Variants in MACF1 observed in about 807,000 individuals in gnomAD.
MACF1 encodes the protein microtubule-actin cross-linking factor 1.
MACF1 carries 193 observed loss-of-function variants against 854.8 expected under a neutral mutation model. The observed-to-expected ratio is 0.23, with a 90% CI of 0.20 to 0.25. The LOEUF (loss-of-function observed/expected upper bound fraction) is 0.25, where lower values mean the gene tolerates loss of function less well. Ranked by LOEUF, MACF1 falls within the 10% of genes least tolerant of loss-of-function variation. MACF1 has a pLI of 1.00. For synonymous variants in MACF1, 3,185 were observed against 3,226.7 expected (o/e 0.99, Z 0.44); for missense variants, 7,722 against 8,929.1 (o/e 0.86, Z 5.45).
chr1:39,109,449 T>A (rs760391007), intron 2 of MACF1, among the ~76,000 whole-genome samples: 87 of 150,892 alleles, frequency 5.8e-4, no homozygotes, highest in Non-Finnish European at 7.4e-4. Context: ...TTTTCTATAT[T>A]TTTTTTTAGT....
chr1:39,379,534 A>G, intron 54 of MACF1, 90 bp downstream of exon 54: 7 of 1,430,434 alleles, frequency 4.9e-6, no homozygotes, highest in Non-Finnish European at 6.6e-6. Context: ...TCTGAGAGAG[A>G]GACATGGGCA....
chr1:39,303,511 C>A (rs947017022), intron 23 of MACF1, among the ~76,000 whole-genome samples: 8 of 151,520 alleles, frequency 5.3e-5, no homozygotes, highest in African/African-American at 1.9e-4. Context: ...GATTGCGCCA[C>A]TGCACTCTAG....
At chr1:39,305,546 C>G (rs1466860670) in intron 23 of MACF1, among the ~76,000 whole-genome samples, 2 of 152,166 alleles carry the variant, frequency 1.3e-5, no homozygotes, top group Non-Finnish European at 2.9e-5. Context: ...ATTTAGCTTT[C>G]TATGCACACA....
chr1:39,418,208 A>G (rs540298904), intron 58 of MACF1, among the ~76,000 whole-genome samples: 5 of 152,222 alleles, frequency 3.3e-5, no homozygotes, highest in Admixed American at 6.5e-5. Context: ...AGTGGAGTGG[A>G]TAGTATAAAT....
Position 39,439,508 on chromosome 1 carries a change from G to A in MACF1, c.18447+8G>A. The A allele has an allele frequency of 6.2e-7, 1 of 1,609,126 alleles. No individual in the cohort carries two copies. Among genetic ancestry groups the A allele is most frequent in the Non-Finnish European group, 8.5e-7 (1 of 1,176,106 alleles). On this transcript the variant is annotated splice_region_variant and intron_variant, in intron 72 of 100. Transcript: ENST00000564288. ...CAGGTTGAAGCTGCTGAGGTAAGAAGGAAACAAAACCCTTTTTCTTAGGTG... is the reference window on the plus strand; with the variant it reads ...CAGGTTGAAGCTGCTGAGGTAAGAAAGAAACAAAACCCTTTTTCTTAGGTG...
At chr1:39,394,441 G>T (rs1201087910) in intron 58 of MACF1, among the ~76,000 whole-genome samples, 1 of 152,134 alleles carries the variant, frequency 6.6e-6, no homozygotes, top group Admixed American at 6.5e-5. Context: ...GGCCAAGATG[G>T]TGAAACCCTG....
Position 39,258,706 on chromosome 1 carries a change from C to T in MACF1, c.528+678C>T, listed in dbSNP as rs993821423. On this transcript the variant is annotated intron_variant, in intron 6 of 100. Coordinates refer to ENST00000564288, the MANE Select transcript of MACF1 (RefSeq NM_001394062.1). ...CCAAACAAAGCTATTTCTCAGACAG[C>T]TCTCTCTGATACACAGTTGCTGCAC... Among the ~76,000 whole-genome samples, 10 of 152,320 alleles carry T rather than the reference C, an allele frequency of 6.6e-5. No homozygotes were observed. In the East Asian group the frequency reaches 1.9e-3, roughly 29 times the overall value.
At chr1:39,132,046 C>T (rs1248533222) in intron 2 of MACF1, among the ~76,000 whole-genome samples, 1 of 152,156 alleles carries the variant, frequency 6.6e-6, no homozygotes, top group Non-Finnish European at 1.5e-5. Context: ...GCACTGTGAC[C>T]TTCTTTGTAG....
At chr1:39,438,249 C>T (rs557185635) in intron 71 of MACF1, among the ~76,000 whole-genome samples, 3 of 152,308 alleles carry the variant, frequency 2.0e-5, no homozygotes, top group South Asian at 4.1e-4. Flanking sequence ...TAACCCCTAA[C>T]GTGAGTAAAC....
chr1:39,408,358 T>A (rs1324078003), intron 58 of MACF1, among the ~76,000 whole-genome samples: 2 of 152,188 alleles, frequency 1.3e-5, no homozygotes, highest in African/African-American at 4.8e-5. Context: ...GTGACCGAAT[T>A]CCTTTGGGAC....
chr1:39,121,457 T>C (rs1456547479), intron 2 of MACF1, among the ~76,000 whole-genome samples: 1 of 152,116 alleles, frequency 6.6e-6, no homozygotes. Flanking sequence ...TATTTATTTA[T>C]TTATTTATTT....
At chr1:39,272,241 G>C (rs1464017353) in intron 6 of MACF1, among the ~76,000 whole-genome samples, 3 of 152,156 alleles carry the variant, frequency 2.0e-5, no homozygotes, top group Admixed American at 2.0e-4. Context: ...AGTCCTTAAG[G>C]CCAAGAGGCT....
intron 17 of MACF1, 100 bp downstream of exon 17, chr1:39,292,943 T>G: frequency 1.0e-6 from 1 of 978,852 alleles, no homozygotes; most frequent in Non-Finnish European, 1.5e-6. Flanking sequence ...TGGCCCTGTT[T>G]TGGTTTTCTG....
At chr1:39,145,998 C>G (rs1476528979) in intron 2 of MACF1, among the ~76,000 whole-genome samples, 1 of 152,178 alleles carries the variant, frequency 6.6e-6, no homozygotes, top group African/African-American at 2.4e-5. Flanking sequence ...AGCTACCATA[C>G]AGTCCAGTAA....
intron 2 of MACF1, among the ~76,000 whole-genome samples, chr1:39,240,555 A>AT (rs1424858976): frequency 6.6e-6 from 1 of 152,146 alleles, no homozygotes; most frequent in African/African-American, 2.4e-5. Context: ...CTGGCATGCA[A>AT]TGGTGCGATC....
intron 58 of MACF1, chr1:39,413,894 C>A (rs1456609113): frequency 1.2e-6 from 2 of 1,608,606 alleles, no homozygotes; most frequent in African/African-American, 2.7e-5. Context: ...GCTATGGTGG[C>A]CACCCTAGAG....
chr1:39,286,390 TCA>T (rs1645643046), intron 14 of MACF1, among the ~76,000 whole-genome samples: 1 of 152,058 alleles, frequency 6.6e-6, no homozygotes, highest in Non-Finnish European at 1.5e-5. Context: ...TGGTGATCCA[TCA>T]CATTCTTTTT....
At chr1:39,194,673 TCTCCC>T (rs1004084228) in intron 2 of MACF1, among the ~76,000 whole-genome samples, 75 of 147,120 alleles carry the variant, frequency 5.1e-4, no homozygotes, top group African/African-American at 1.5e-3. Context: ...CCTGCCTTCC[TCTCCC>T]CTCCCCTCCC....
In MACF1 at chr1:39,441,301, T is replaced by C; in HGVS notation, c.18648T>C (p.Ala6216=). The C allele has an allele frequency of 6.2e-7, 1 of 1,614,124 alleles. No individual in the cohort carries two copies. The highest frequency in any genetic ancestry group is 8.5e-7 in the Non-Finnish European group (1 of 1,179,972). Reference sequence around the variant, plus strand: ...AACTTGAGGATGCTATGCAAGCTGCTGTGCAGTATCAGGACACTCTTCAGG... The same window carrying C: ...AACTTGAGGATGCTATGCAAGCTGCCGTGCAGTATCAGGACACTCTTCAGG... The part of the protein sequence containing the change: ...LEKLEDAMQA[A]VQYQDTLQAM... The change falls in exon 74 of 101, where the codon GCT becomes GCC. Residue 6216 remains alanine, a synonymous_variant. Coordinates refer to ENST00000564288, the MANE Select transcript of MACF1 (RefSeq NM_001394062.1).
Sources: gnomAD v4.1 joint callset for allele counts (sites outside exome capture counted in the v4.1 genomes callset) on GRCh38, gnomAD v4.1.1 for gene constraint, MANE v1.5 for transcripts, NCBI Gene and HGNC (gene_info 2026-07-23, HGNC 2026-07-21) for gene names.